Variants in TMPO observed in about 807,000 individuals in gnomAD.
TMPO encodes the protein thymopoietin, also known as LEM domain containing 4.
A neutral mutation model predicts 45.4 loss-of-function variants in TMPO; 22 were observed. That is an observed-to-expected ratio of 0.48 (90% confidence interval 0.35 to 0.69). The LOEUF is 0.69. Among genes scored for constraint, TMPO ranks in the 30% least tolerant of loss-of-function variants. The pLI, the probability that TMPO is intolerant of heterozygous loss-of-function variation, is 0.01. For synonymous variants in TMPO, 241 were observed against 204.1 expected (o/e 1.18, Z -1.54); for missense variants, 512 against 548.8 (o/e 0.93, Z 0.67).
chr12:98,544,638 G>GTT lies in TMPO; in HGVS notation c.879+112_879+113dup, dbSNP rs34340378. The GTT allele has an allele frequency of 0.11, 84,963 of 744,570 alleles. 1,283 individuals are homozygous for GTT. The highest frequency in any genetic ancestry group is 0.28 in the East Asian group (9,159 of 32,774). The allele number at this position is 744,570 out of a possible 1,614,324, so 46.1% of individuals were successfully genotyped here. A position where few individuals can be genotyped will look rare whatever the true frequency, so the allele number is the denominator to read the frequency against. On this transcript the variant is annotated intron_variant, in intron 6 of 8. Transcript: ENST00000556029. ...ATTTTGGCAAATCTCAAATTTACAT[G>GTT]TTTTTTTTTTTTAACAATTTTAAAC...
chr12:98,544,184 A>G (rs1878081743), intron 4 of TMPO, 46 bp from the exon 5 acceptor site: 2 of 1,608,350 alleles, frequency 1.2e-6, no homozygotes, highest in African/African-American at 1.3e-5. Flanking sequence ...TTATTAAAGT[A>G]TTTGATGTTA....
Position 98,533,311 on chromosome 12 carries a change from CCT to C in TMPO, c.565+1479_565+1480del, listed in dbSNP as rs1359210478. 2 of 1,613,990 alleles carry C rather than the reference CCT, an allele frequency of 1.2e-6. No homozygotes were observed. Among genetic ancestry groups the C allele is most frequent in the Non-Finnish European group, 1.7e-6 (2 of 1,180,016 alleles). Reference sequence around the variant, plus strand: ...GAGGTCCCATATTTCAGATCAATCGCCTCTCTCCAGTAAAAGGAAAGCACTAG... The same window carrying C: ...GAGGTCCCATATTTCAGATCAATCGCCTCTCCAGTAAAAGGAAAGCACTAG... On this transcript the variant is annotated intron_variant, in intron 3 of 8. Transcript: ENST00000556029.
intron 1 of TMPO, 48 bp downstream of exon 1, chr12:98,516,194 C>T (rs1194984997): frequency 1.1e-5 from 15 of 1,319,142 alleles, no homozygotes; most frequent in Non-Finnish European, 1.4e-5. Flanking sequence ...TGGCGGTTGC[C>T]GCGCGCGCTC....
rs139512723 is a variant in TMPO, at chr12:98,533,194, C to T, written c.565+1356C>T. On this transcript the variant is annotated intron_variant, in intron 3 of 8. Coordinates refer to ENST00000556029, the MANE Select transcript of TMPO (RefSeq NM_001032283.3). ...GGTCTCTACTGCAGCTTCTCCTTCA[C>T]TGATTAAAGAAACCACCACTGGTTA... 10 of 1,614,004 alleles carry T rather than the reference C, an allele frequency of 6.2e-6. No individual in the cohort carries two copies. Among genetic ancestry groups the T allele is most frequent in the Non-Finnish European group, 7.6e-6 (9 of 1,180,052 alleles).
chr12:98,539,226 T>TA (rs1250592550), intron 4 of TMPO, among the ~76,000 whole-genome samples: 4 of 151,146 alleles, frequency 2.6e-5, no homozygotes, highest in African/African-American at 4.9e-5. Context: ...AATAAATAAA[T>TA]AATAAAGATG....
chr12:98,540,418 C>T (rs1877844315), intron 4 of TMPO, among the ~76,000 whole-genome samples: 1 of 152,132 alleles, frequency 6.6e-6, no homozygotes, highest in Non-Finnish European at 1.5e-5. Flanking sequence ...GATGGAGTTT[C>T]ATTCTTTTTG....
chr12:98,527,497 C>G (rs547683666), intron 1 of TMPO: 1 of 183,138 alleles, frequency 5.5e-6, no homozygotes, highest in East Asian at 1.6e-4. Flanking sequence ...TACTCCAGCC[C>G]GGGTGACATA....
At chr12:98,516,263 T>A (rs1875803163) in intron 1 of TMPO, 117 bp downstream of exon 1, 1 of 1,268,178 alleles carries the variant, frequency 7.9e-7, no homozygotes. Flanking sequence ...GGTGCGGGGC[T>A]GTCCCTGCGC....
rs187416376 is a variant in TMPO, at chr12:98,526,524, G to A, written c.280-1362G>A. ...TATTTTTGTTAGTGTTTTTATTGTC[G>A]TATTGTCTTTTTTTTCCCCAAGTAT... On this transcript the variant is annotated intron_variant, in intron 1 of 8. Coordinates refer to ENST00000556029, the MANE Select transcript of TMPO (RefSeq NM_001032283.3). Among the ~76,000 whole-genome samples, 85 of 152,162 alleles carry A rather than the reference G, an allele frequency of 5.6e-4. 1 individual carries two copies. The highest frequency in any genetic ancestry group is 1.5e-3 in the African/African-American group (62 of 41,518).
rs764732034 is a variant in TMPO at position 98,532,942 on chromosome 12, A to C, written c.565+1104A>C. ...GGGTATTTCTTTTCCTGAAATCTCC[A>C]CCCGTCCTCCTTTGGGCAGTACCGA... On this transcript the variant is annotated intron_variant, in intron 3 of 8. Transcript: ENST00000556029. The C allele has an allele frequency of 5.0e-6, 8 of 1,613,870 alleles. No individual in the cohort carries two copies. The highest frequency in any genetic ancestry group is 6.8e-6 in the Non-Finnish European group (8 of 1,180,010).
chr12:98,524,080 G>C (rs1421782888), intron 1 of TMPO, among the ~76,000 whole-genome samples: 2 of 152,206 alleles, frequency 1.3e-5, no homozygotes, highest in African/African-American at 4.8e-5. Flanking sequence ...ACATTTATCA[G>C]GGGGCTATTC....
At chr12:98,522,683 A>G (rs1387588194) in intron 1 of TMPO, among the ~76,000 whole-genome samples, 3 of 152,264 alleles carry the variant, frequency 2.0e-5, no homozygotes, top group South Asian at 2.1e-4. Flanking sequence ...ATATAGTGCA[A>G]TGTTACTAAA....
rs1238424266 is a variant in TMPO, at chr12:98,533,711, T to C, written c.565+1873T>C. The C allele has an allele frequency of 5.0e-6, 8 of 1,614,178 alleles. No individual in the cohort carries two copies. Among genetic ancestry groups the C allele is most frequent in the South Asian group, 1.1e-5 (1 of 91,086 alleles). Reference sequence around the variant, plus strand: ...GCTAAGCAATCACAGCATGATAAAATAGATGCCTCAGAACTATCTTTTCCC... The same window carrying C: ...GCTAAGCAATCACAGCATGATAAAACAGATGCCTCAGAACTATCTTTTCCC... On this transcript the variant is annotated intron_variant, in intron 3 of 8. Transcript: ENST00000556029.
Position 98,548,358 on chromosome 12 carries a change from T to G in TMPO, c.*500T>G, listed in dbSNP as rs1878346144. ...TACTTTTTGTAACTGCAACAAAGTT[T>G]GATGGTGTTTATGAGGAAAAGTACA... On this transcript the variant is annotated 3_prime_UTR_variant, in exon 9 of 9. Transcript: ENST00000556029. The G allele has an allele frequency of 6.3e-6, 1 of 159,424 alleles. No homozygotes were observed. The highest frequency in any genetic ancestry group is 2.4e-5 in the African/African-American group (1 of 41,496). The allele number at this position is 159,424 out of a possible 1,614,324, so 9.9% of individuals were successfully genotyped here.
Position 98,533,334 on chromosome 12 carries a change from A to G in TMPO, c.565+1496A>G, listed in dbSNP as rs1877334103. On this transcript the variant is annotated intron_variant, in intron 3 of 8. Transcript: ENST00000556029. The stretch of plus-strand genomic sequence containing the variant: ...CGCCTCTCTCCAGTAAAAGGAAAGC[A>G]CTAGAAGAGTCTGAGAGCTCACAAC... The G allele has an allele frequency of 1.2e-6, 2 of 1,614,092 alleles. No individual in the cohort carries two copies. The highest frequency in any genetic ancestry group is 1.7e-6 in the Non-Finnish European group (2 of 1,180,040).
chr12:98,545,712 T>A (rs773904010), intron 7 of TMPO, among the ~76,000 whole-genome samples: 4 of 152,188 alleles, frequency 2.6e-5, no homozygotes, highest in Middle Eastern at 3.2e-3. Flanking sequence ...TACTACAGAA[T>A]TCTTAATAAA....
At chr12:98,523,514 C>G (rs1481655482) in intron 1 of TMPO, among the ~76,000 whole-genome samples, 1 of 151,680 alleles carries the variant, frequency 6.6e-6, no homozygotes, top group Non-Finnish European at 1.5e-5. Context: ...TGCACTCTAG[C>G]CTGGGCAACA....
rs745743684 is a variant in TMPO, at chr12:98,515,854, C to G, written c.-14C>G. 32 of 1,608,574 alleles carry G rather than the reference C, an allele frequency of 2.0e-5. No individual in the cohort carries two copies. In the Middle Eastern group the frequency reaches 6.6e-4, roughly 33 times the overall value. On this transcript the variant is annotated 5_prime_UTR_variant, in exon 1 of 9. Coordinates refer to ENST00000556029, the MANE Select transcript of TMPO (RefSeq NM_001032283.3). ...GGCAAAGGCTGTGGGGAGGGGGCTT[C>G]GCAGATCCCCGAGATGCCGGAGTTC...
intron 3 of TMPO, chr12:98,535,317 C>T: frequency 3.1e-6 from 3 of 982,540 alleles, no homozygotes; most frequent in Non-Finnish European, 3.6e-6. Context: ...ATCCCAGTAT[C>T]TGTATGTCTG....
Sources: allele counts gnomAD v4.1 joint callset (sites outside exome capture counted in the v4.1 genomes callset), GRCh38; gene constraint gnomAD v4.1.1; transcripts MANE v1.5; gene names NCBI Gene and HGNC (gene_info 2026-07-23, HGNC 2026-07-21).